Variants in PPP6C observed in about 807,000 individuals in gnomAD.
The protein encoded by PPP6C is serine/threonine-protein phosphatase 6 catalytic subunit.
Under a neutral mutation model 39.8 loss-of-function variants are expected in PPP6C, and 11 were observed. The ratio of observed to expected loss-of-function variants is 0.28; its 90% CI spans 0.17 to 0.46. The LOEUF (loss-of-function observed/expected upper bound fraction) is 0.46. PPP6C is among the 20% of genes least tolerant of loss of function. The pLI is 1.00. For missense variants in PPP6C, 211 were observed against 373.9 expected (o/e 0.56, Z 3.59); for synonymous variants, 129 against 130.3 (o/e 0.99, Z 0.07).
In PPP6C at chr9:125,162,167, C is replaced by T. The variant is rs905863561; in HGVS notation, c.172-1261G>A. ...TAGCTAACAGGCCAAGCTGCTCACA[C>T]CTGTAATCCTGGAACTTTGGGAGCT... On this transcript the variant is annotated intron_variant, in intron 2 of 6. Coordinates refer to ENST00000373547, the MANE Select transcript of PPP6C (RefSeq NM_002721.5). Among the ~76,000 whole-genome samples the T allele has an allele frequency of 4.0e-5, 6 of 151,772 alleles. No individual in the cohort carries two copies. The East Asian group carries it at 1.2e-3, about 29-fold the overall frequency.
At chr9:125,161,929 C>A (rs1338372036) in intron 2 of PPP6C, among the ~76,000 whole-genome samples, 2 of 152,146 alleles carry the variant, frequency 1.3e-5, no homozygotes, top group African/African-American at 4.8e-5. Context: ...CAACTTCTAA[C>A]ACATTCATCT....
At chr9:125,161,996 T>C (rs1241693232) in intron 2 of PPP6C, among the ~76,000 whole-genome samples, 1 of 151,146 alleles carries the variant, frequency 6.6e-6, no homozygotes, top group Non-Finnish European at 1.5e-5. Flanking sequence ...GGAATGTTAG[T>C]CAAAGTGAAG....
intron 1 of PPP6C, among the ~76,000 whole-genome samples, chr9:125,181,622 G>T (rs1588296554): frequency 6.6e-6 from 1 of 152,182 alleles, no homozygotes; most frequent in South Asian, 2.1e-4. Flanking sequence ...TGCTGAGAAT[G>T]ATGGTTTCCA....
At chr9:125,151,416 T>A in intron 6 of PPP6C, 1 of 876,222 alleles carries the variant, frequency 1.1e-6, no homozygotes, top group Admixed American at 1.7e-5. Flanking sequence ...ATTTCTCACA[T>A]CAACAACGCA....
chr9:125,186,978 C>G (rs1411961659), intron 1 of PPP6C, among the ~76,000 whole-genome samples: 1 of 128,932 alleles, frequency 7.8e-6, no homozygotes, highest in Admixed American at 8.9e-5. Flanking sequence ...ACGGAGTCTC[C>G]CTCTGTCACC....
intron 2 of PPP6C, among the ~76,000 whole-genome samples, chr9:125,165,123 T>C (rs1311495411): frequency 6.6e-6 from 1 of 152,178 alleles, no homozygotes; most frequent in Non-Finnish European, 1.5e-5. Flanking sequence ...CAGGATTCAT[T>C]TGTGATCTTA....
At chr9:125,175,456 G>A (rs1287765894) in intron 1 of PPP6C, among the ~76,000 whole-genome samples, 1 of 151,674 alleles carries the variant, frequency 6.6e-6, no homozygotes, top group Non-Finnish European at 1.5e-5. Flanking sequence ...GGCTAACACA[G>A]TGAAACCCCG....
At chr9:125,158,115 GAGGAGTGA>G in intron 4 of PPP6C, 118 bp downstream of exon 4, 1 of 941,256 alleles carries the variant, frequency 1.1e-6, no homozygotes, top group Non-Finnish European at 1.6e-6. Flanking sequence ...AATTGTTTGG[GAGGAGTGA>G]AGGAGTGAGG....
At chr9:125,184,400 ATAAT>A (rs1347480080) in intron 1 of PPP6C, among the ~76,000 whole-genome samples, 41 of 151,796 alleles carry the variant, frequency 2.7e-4, no homozygotes, top group African/African-American at 8.7e-4. Flanking sequence ...AATAAAAATA[ATAAT>A]TAATCAGCTG....
intron 1 of PPP6C, among the ~76,000 whole-genome samples, chr9:125,177,886 T>C (rs909802036): frequency 5.3e-5 from 8 of 152,348 alleles, no homozygotes; most frequent in African/African-American, 1.4e-4. Flanking sequence ...AAATGTCATA[T>C]AGTTGGAATC....
chr9:125,189,513 G>A (rs1302865377), intron 1 of PPP6C, 131 bp downstream of exon 1: 1 of 1,484,876 alleles, frequency 6.7e-7, no homozygotes, highest in African/African-American at 1.4e-5. Context: ...GGGTAGGACC[G>A]GGTCGACTGG....
chr9:125,179,658 T>C (rs1053610991), intron 1 of PPP6C, among the ~76,000 whole-genome samples: 4 of 146,328 alleles, frequency 2.7e-5, no homozygotes, highest in South Asian at 2.2e-4. Flanking sequence ...TCTCTCTCTT[T>C]TTTTTTTTTT....
chr9:125,177,584 A>G (rs1425954721), intron 1 of PPP6C, among the ~76,000 whole-genome samples: 1 of 152,104 alleles, frequency 6.6e-6, no homozygotes, highest in Non-Finnish European at 1.5e-5. Context: ...CAGAGTTCCC[A>G]TATACCCCCT....
At position 125,149,032 on chromosome 9, in the gene PPP6C, G is replaced by A. The variant is rs1835873933; in HGVS notation, c.*641C>T. The A allele has an allele frequency of 6.6e-6, 1 of 151,918 alleles. No individual in the cohort carries two copies. The highest frequency in any genetic ancestry group is 2.4e-5 in the African/African-American group (1 of 41,360). 9.4% of individuals were successfully genotyped at this position (151,918 alleles called of 1,614,324 possible). A position where few individuals can be genotyped will look rare whatever the true frequency, so the allele number is the denominator to read the frequency against. On this transcript the variant is annotated 3_prime_UTR_variant, in exon 7 of 7. Transcript: ENST00000373547. ...AAGATTACTTTATTAAAAAATACAAGGAATCTGAAAAAAGATCAATACAAT... is the reference window on the plus strand; with the variant it reads ...AAGATTACTTTATTAAAAAATACAAAGAATCTGAAAAAAGATCAATACAAT...
intron 2 of PPP6C, among the ~76,000 whole-genome samples, chr9:125,167,915 A>G (rs1022793940): frequency 6.6e-6 from 1 of 150,970 alleles, no homozygotes; most frequent in Admixed American, 6.6e-5. Flanking sequence ...TCAGCCTCCC[A>G]AAGTGCTGGG....
intron 6 of PPP6C, among the ~76,000 whole-genome samples, chr9:125,152,248 AC>A (rs1835966363): frequency 6.6e-6 from 1 of 152,000 alleles, no homozygotes; most frequent in South Asian, 2.1e-4. Flanking sequence ...ATTTGGCTTT[AC>A]CTTCATCCAT....
At chr9:125,157,469 A>C (rs1836108161) in intron 4 of PPP6C, among the ~76,000 whole-genome samples, 1 of 152,196 alleles carries the variant, frequency 6.6e-6, no homozygotes, top group Non-Finnish European at 1.5e-5. Context: ...AGCAGCCATG[A>C]AAATAACATT....
intron 2 of PPP6C, among the ~76,000 whole-genome samples, chr9:125,166,189 C>T (rs1023748090): frequency 1.3e-5 from 2 of 152,122 alleles, no homozygotes; most frequent in African/African-American, 4.8e-5. Context: ...AATGACATTG[C>T]ATTTTATATC....
intron 2 of PPP6C, among the ~76,000 whole-genome samples, chr9:125,167,328 C>A (rs369645140): frequency 4.4e-5 from 6 of 137,374 alleles, no homozygotes; most frequent in East Asian, 4.3e-4. Flanking sequence ...CTGCAATGAA[C>A]TGAGATCACA....
Sources: gnomAD v4.1 joint callset for allele counts (sites outside exome capture counted in the v4.1 genomes callset) on GRCh38, gnomAD v4.1.1 for gene constraint, MANE v1.5 for transcripts, NCBI Gene and HGNC (gene_info 2026-07-23, HGNC 2026-07-21) for gene names.